The following APC variants were observed in gnomAD, a reference collection of about 807,000 sequenced individuals.
APC encodes adenomatous polyposis coli protein.
APC carries 72 observed loss-of-function variants against 247.0 expected under a neutral mutation model. The ratio of observed to expected loss-of-function variants is 0.29; its 90% CI spans 0.24 to 0.35. The LOEUF (loss-of-function observed/expected upper bound fraction) is 0.35. APC is among the 10% of genes least tolerant of loss of function. The pLI is 1.00. For missense variants in APC, 3,400 were observed against 3,360.7 expected, an observed-to-expected ratio of 1.01 and a Z score of -0.29; for synonymous variants, 1,254 against 1,162.5, an observed-to-expected ratio of 1.08 and a Z score of -1.60.
intron 1 of APC, among the ~76,000 whole-genome samples, chr5:112,752,095 C>T (rs1206632216): frequency 6.6e-6 from 1 of 151,882 alleles, no homozygotes; most frequent in Non-Finnish European, 1.5e-5. Flanking sequence ...TAGATTATAT[C>T]TTCTAGTAAA....
intron 7 of APC, among the ~76,000 whole-genome samples, chr5:112,799,114 C>T (rs1270555153): frequency 7.4e-6 from 1 of 135,220 alleles, no homozygotes; most frequent in Non-Finnish European, 1.5e-5. Context: ...GAGGCTGAGG[C>T]ATGAGAATCG....
At chr5:112,783,819 C>T in intron 6 of APC, 1 of 307,420 alleles carries the variant, frequency 3.3e-6, no homozygotes, top group South Asian at 2.7e-5. Context: ...AGAAAGAAAA[C>T]AGATAACCAA....
Position 112,819,234 on chromosome 5 carries a change from G to C in APC, c.1202G>C (p.Arg401Thr), listed in dbSNP as rs2149782453. ...TCACAGCCTGATGACAAGAGAGGCA[G>C]GCGTGAAATCCGAGTCCTTCATCTT... is the stretch of plus-strand genomic sequence containing the variant. Reference protein sequence around the residue: ...IHSQPDDKRGRREIRVLHLLE... With the variant: ...IHSQPDDKRGTREIRVLHLLE... Residue 401 changes from arginine to threonine, a missense_variant, in exon 10 of 16, where the codon AGG (arginine) becomes ACG (threonine). Coordinates refer to ENST00000257430, the MANE Select transcript of APC (RefSeq NM_000038.6). 1 of 1,613,946 alleles carries C rather than the reference G, an allele frequency of 6.2e-7. No individual in the cohort carries two copies. Among genetic ancestry groups the C allele is most frequent in the South Asian group, 1.1e-5 (1 of 91,078 alleles).
At chr5:112,774,867 T>C (rs536912490) in intron 4 of APC, among the ~76,000 whole-genome samples, 1 of 152,336 alleles carries the variant, frequency 6.6e-6, no homozygotes, top group South Asian at 2.1e-4. Flanking sequence ...TACATATAAG[T>C]ATGCACATAT....
At position 112,843,074 on chromosome 5, in the gene APC, T is replaced by C; in HGVS notation, c.7480T>C (p.Ser2494Pro). 1 of 1,614,024 alleles carries C rather than the reference T, an allele frequency of 6.2e-7. No individual in the cohort carries two copies. The highest frequency in any genetic ancestry group is 8.5e-7 in the Non-Finnish European group (1 of 1,179,880). ...TCCTTCCCTTCCTGATATGTCTCTATCCACACATTCGTCTGTTCAGGCTGG... is the reference window on the plus strand; with the variant it reads ...TCCTTCCCTTCCTGATATGTCTCTACCCACACATTCGTCTGTTCAGGCTGG... ...LSPSLPDMSL[S>P]THSSVQAGGW... The change falls in exon 16 of 16, where the codon TCC becomes CCC. Residue 2494 changes from serine (S) to proline (P), a missense_variant. Transcript: ENST00000257430. The surrounding 1 kb of genome is among the most constrained non-coding windows in gnomAD (Gnocchi z 4.8).
chr5:112,778,414 T>C (rs1048522275), intron 5 of APC: 5 of 151,998 alleles, frequency 3.3e-5, no homozygotes, highest in African/African-American at 4.8e-5. Context: ...CAGAGGAGTT[T>C]AGCATGGCCC....
chr5:112,791,032 CAT>C lies in APC; in HGVS notation c.646-1411_646-1410del, dbSNP rs57296497. Among the ~76,000 whole-genome samples the C allele has an allele frequency of 8.4e-3, 1,279 of 152,214 alleles. 17 individuals are homozygous for C. The highest frequency in any genetic ancestry group is 0.028 in the African/African-American group (1,164 of 41,530). On this transcript the variant is annotated intron_variant, in intron 6 of 15. Coordinates refer to ENST00000257430, the MANE Select transcript of APC (RefSeq NM_000038.6). ...ACATTGTCAGTACTTGTTTTTAAAA[CAT>C]ATGTGTTTGATTTGTCATAAACTAG...
rs781229935 is a variant in APC, at chr5:112,844,040, C to G, written c.8446C>G (p.Arg2816Gly). ...PTPVNNNTKKRDSKTDSTESS... is the reference protein window; with the variant it reads ...PTPVNNNTKKGDSKTDSTESS... The stretch of plus-strand genomic sequence containing the variant: ...TCCAGTGAATAACAACACAAAGAAG[C>G]GAGATTCCAAAACTGACAGCACAGA... Residue 2816 changes from arginine to glycine, a missense_variant, in exon 16 of 16, where the codon CGA becomes GGA. This residue lies in a region of APC where 1,788 missense variants were observed against 1,649.5 expected (regional missense o/e 1.08). Transcript: ENST00000257430. 6.2e-7 allele frequency: 1 copy of G among 1,602,248 alleles called. No homozygotes were observed. The highest frequency in any genetic ancestry group is 8.5e-7 in the Non-Finnish European group (1 of 1,176,828).
At chr5:112,816,099 C>G (rs536176828) in intron 9 of APC, among the ~76,000 whole-genome samples, 7 of 152,214 alleles carry the variant, frequency 4.6e-5, no homozygotes, top group Non-Finnish European at 7.3e-5. Flanking sequence ...CCTGAACATT[C>G]CCTGTGACTT....
At chr5:112,729,735 A>G (rs1238054209) in intron 1 of APC, among the ~76,000 whole-genome samples, 1 of 152,248 alleles carries the variant, frequency 6.6e-6, no homozygotes, top group African/African-American at 2.4e-5. Flanking sequence ...ACTTAATTTT[A>G]TCTGCCAAGT....
At chr5:112,797,954 C>A (rs1017534557) in intron 7 of APC, among the ~76,000 whole-genome samples, 1 of 152,134 alleles carries the variant, frequency 6.6e-6, no homozygotes, top group African/African-American at 2.4e-5. Context: ...TGTGGAGAAG[C>A]AGGATCCCTC....
At chr5:112,814,456 A>G (rs1762285766) in intron 8 of APC, among the ~76,000 whole-genome samples, 1 of 152,124 alleles carries the variant, frequency 6.6e-6, no homozygotes, top group Non-Finnish European at 1.5e-5. Flanking sequence ...GACACCTCCA[A>G]GTTGTCCTCG....
In APC at chr5:112,841,793, AATATGGGTGGCATATTAGGTGAAG is replaced by A; in HGVS notation, c.6202_6225del (p.Met2068_Asp2075del). 1 of 1,614,124 alleles carries A rather than the reference AATATGGGTGGCATATTAGGTGAAG, an allele frequency of 6.2e-7. No individual in the cohort carries two copies. The highest frequency in any genetic ancestry group is 8.5e-7 in the Non-Finnish European group (1 of 1,179,962). ...TGATAATGAAAAACATAGTCCCAGA[AATATGGGTGGCATATTAGGTGAAG>A]ATCTGACACTTGATTTGAAAGATAT... is the stretch of plus-strand genomic sequence containing the variant. On this transcript the variant is annotated inframe_deletion, in exon 16 of 16. Coordinates refer to ENST00000257430, the MANE Select transcript of APC (RefSeq NM_000038.6). The surrounding 1 kb of genome is among the most constrained non-coding windows in gnomAD (Gnocchi z 4.6).
intron 1 of APC, among the ~76,000 whole-genome samples, chr5:112,716,389 C>T (rs1262646123): frequency 6.6e-6 from 1 of 151,966 alleles, no homozygotes; most frequent in African/African-American, 2.4e-5. Flanking sequence ...TGGAGATTTT[C>T]CAGTTATTTT....
chr5:112,821,153 G>C (rs1030234185), intron 10 of APC, among the ~76,000 whole-genome samples: 14 of 151,556 alleles, frequency 9.2e-5, no homozygotes, highest in Admixed American at 8.6e-4. Flanking sequence ...ACTGGTGTGA[G>C]CCACTGCACC....
Position 112,844,608 on chromosome 5 carries a change from T to C in APC, c.*482T>C, listed in dbSNP as rs1171730655. On this transcript the variant is annotated 3_prime_UTR_variant, in exon 16 of 16. Coordinates refer to ENST00000257430, the MANE Select transcript of APC (RefSeq NM_000038.6). ...TGTGGCTGTGAAATTCACAGTAATA[T>C]GGTTCCCGATGAACAAGTTTACCCA... 2 of 235,196 alleles carry C rather than the reference T, an allele frequency of 8.5e-6. No individual in the cohort carries two copies. The highest frequency in any genetic ancestry group is 1.2e-4 in the East Asian group (2 of 16,360). The allele number at this position is 235,196 out of a possible 1,614,324, so 14.6% of individuals were successfully genotyped here.
chr5:112,766,449 C>A (rs748533525), intron 3 of APC, 39 bp downstream of exon 3: 3 of 1,400,844 alleles, frequency 2.1e-6, no homozygotes, highest in Non-Finnish European at 3.0e-6. Flanking sequence ...ATTTTTTAAG[C>A]TCAAATTGTC....
intron 4 of APC, among the ~76,000 whole-genome samples, chr5:112,773,335 G>A (rs990257898): frequency 5.9e-5 from 9 of 152,114 alleles, no homozygotes; most frequent in African/African-American, 2.4e-5. Context: ...CTCTCTGTAT[G>A]ACCAAACTCC....
chr5:112,792,503 T>C lies in APC; in HGVS notation c.703T>C (p.Leu235=), dbSNP rs750221991. The C allele has an allele frequency of 3.7e-6, 6 of 1,612,734 alleles. No homozygotes were observed. The Admixed American group carries it at 8.3e-5, about 22-fold the overall frequency. ...GGACATACTTCGTATACGACAGCTTTTACAGTCCCAAGCAACAGAAGCAGA... is the reference window on the plus strand; with the variant it reads ...GGACATACTTCGTATACGACAGCTTCTACAGTCCCAAGCAACAGAAGCAGA... The part of the protein sequence containing the change: ...EKDILRIRQL[L]QSQATEAERS... Residue 235 remains leucine, a synonymous_variant, in exon 7 of 16, where the codon TTA becomes CTA. Transcript: ENST00000257430.
Sources: gnomAD v4.1 joint callset for allele counts (sites outside exome capture counted in the v4.1 genomes callset) on GRCh38, gnomAD v4.1.1 for gene constraint, gnomAD v4.1.1 regional missense constraint, Gnocchi (gnomAD v3.1) non-coding constraint, MANE v1.5 for transcripts, NCBI Gene and HGNC (gene_info 2026-07-23, HGNC 2026-07-21) for gene names.